The following ACSF3 variants were observed in gnomAD, a reference collection of about 807,000 sequenced individuals.
ACSF3 encodes the protein malonate--CoA ligase ACSF3, mitochondrial.
ACSF3 carries 78 observed loss-of-function variants against 53.2 expected under a neutral mutation model. The observed-to-expected ratio is 1.47, with a 90% CI of 1.22 to 1.77. The LOEUF is 1.77. Ranked by LOEUF, ACSF3 falls within the 40% of genes most tolerant of loss-of-function variation. The pLI is 0.00. For synonymous variants in ACSF3, 414 were observed against 333.1 expected (o/e 1.24, Z -2.65); for missense variants, 937 against 771.1 (o/e 1.22, Z -2.55).
chr16:89,104,812 A>T (rs571789486), intron 4 of ACSF3, among the ~76,000 whole-genome samples: 1 of 152,236 alleles, frequency 6.6e-6, no homozygotes, highest in Non-Finnish European at 1.5e-5. Context: ...TCTAGCCTCC[A>T]CTGGAGGCAA....
rs574481505 is a variant in ACSF3 at position 89,126,335 on chromosome 16, C to G, written c.1239+5422C>G. 1.1e-3 allele frequency among the ~76,000 whole-genome samples: 172 copies of G among 152,060 alleles called. 2 individuals are homozygous for G. The highest frequency in any genetic ancestry group is 3.7e-3 in the African/African-American group (155 of 41,486). ...CCAGGCTGGAGTGTAGTGGTACGATCTCAGCTCACTGCAACCTCTACTTCC... is the reference window on the plus strand; with the variant it reads ...CCAGGCTGGAGTGTAGTGGTACGATGTCAGCTCACTGCAACCTCTACTTCC... On this transcript the variant is annotated intron_variant, in intron 7 of 10. Transcript: ENST00000614302.
chr16:89,152,965 C>A (rs997742425), intron 10 of ACSF3: 3 of 152,264 alleles, frequency 2.0e-5, no homozygotes, highest in African/African-American at 7.2e-5. Context: ...CCAGTTGCCC[C>A]TGGAGAGCGA....
chr16:89,119,467 T>TG (rs1906072715), intron 6 of ACSF3, among the ~76,000 whole-genome samples: 1 of 151,764 alleles, frequency 6.6e-6, no homozygotes. Context: ...CTAGGGGAAG[T>TG]GGGGGGCTGT....
chr16:89,154,234 G>A lies in ACSF3; in HGVS notation c.*27G>A, dbSNP rs1472222080. On this transcript the variant is annotated 3_prime_UTR_variant, in exon 11 of 11. Transcript: ENST00000614302. Reference sequence around the variant, plus strand: ...CCGGCAGACTGGGACTGCGGGTCTGGTGGGGAGCAGCAGACGTCCCCTTCA... The same window carrying A: ...CCGGCAGACTGGGACTGCGGGTCTGATGGGGAGCAGCAGACGTCCCCTTCA... 1 of 1,602,984 alleles carries A rather than the reference G, an allele frequency of 6.2e-7. No homozygotes were observed. The highest frequency in any genetic ancestry group is 1.3e-5 in the African/African-American group (1 of 74,858).
chr16:89,099,789 T>G (rs1375854763), intron 2 of ACSF3, among the ~76,000 whole-genome samples: 1 of 145,556 alleles, frequency 6.9e-6, no homozygotes, highest in Non-Finnish European at 1.5e-5. Context: ...CTTAGATAGA[T>G]AGATAGATAG....
Position 89,130,599 on chromosome 16 carries a change from TC to T in ACSF3, c.1240-2535del, listed in dbSNP as rs1336185639. Reference sequence around the variant, plus strand: ...AAAAAAATACTACTAATAATATAACTCCACTTCTTTCCGGCCTCCATTGTTT... The same window carrying T: ...AAAAAAATACTACTAATAATATAACTCACTTCTTTCCGGCCTCCATTGTTT... On this transcript the variant is annotated intron_variant, in intron 7 of 10. Transcript: ENST00000614302. Among the ~76,000 whole-genome samples the T allele has an allele frequency of 5.3e-5, 8 of 152,114 alleles. No individual in the cohort carries two copies. The East Asian group carries it at 1.5e-3, about 29-fold the overall frequency.
intron 6 of ACSF3, among the ~76,000 whole-genome samples, chr16:89,118,081 GA>G (rs759320082): frequency 1.3e-3 from 187 of 149,564 alleles, no homozygotes; most frequent in Non-Finnish European, 2.3e-3. Context: ...GGGCGCCGGG[GA>G]CGCTCTCTCT....
At chr16:89,137,445 C>T (rs112479648) in intron 8 of ACSF3, among the ~76,000 whole-genome samples, 305 of 131,542 alleles carry the variant, frequency 2.3e-3, no homozygotes, top group African/African-American at 8.7e-3. Context: ...GGGGAAGAGC[C>T]CCAGGTCTCG....
chr16:89,120,374 G>A (rs543796814), intron 6 of ACSF3, among the ~76,000 whole-genome samples: 280 of 152,346 alleles, frequency 1.8e-3, no homozygotes, highest in Admixed American at 6.2e-3. Flanking sequence ...CCTCATCGTG[G>A]ACAGCCCCGG....
intron 6 of ACSF3, 80 bp from the exon 7 acceptor site, chr16:89,120,721 G>T: frequency 7.3e-7 from 1 of 1,361,346 alleles, no homozygotes; most frequent in Non-Finnish European, 1.1e-6. Flanking sequence ...AGCTCAGCGG[G>T]ATCCGAGCTC....
intron 7 of ACSF3, among the ~76,000 whole-genome samples, chr16:89,127,559 G>A (rs1348478603): frequency 1.3e-5 from 2 of 151,936 alleles, no homozygotes; most frequent in African/African-American, 2.4e-5. Flanking sequence ...AGAGTTGGGG[G>A]TCTCACTATA....
intron 4 of ACSF3, among the ~76,000 whole-genome samples, chr16:89,109,188 C>T (rs1183337979): frequency 1.5e-5 from 2 of 136,078 alleles, no homozygotes; most frequent in African/African-American, 5.6e-5. Context: ...GCCAAGATCA[C>T]ACCACTGCAC....
At chr16:89,122,252 C>T (rs573390046) in intron 7 of ACSF3, 99 of 238,134 alleles carry the variant, frequency 4.2e-4, no homozygotes, top group African/African-American at 2.2e-3. Context: ...TGTGTCCCGC[C>T]TGGCCTGGGC....
intron 4 of ACSF3, among the ~76,000 whole-genome samples, chr16:89,107,850 C>T (rs984203063): frequency 1.3e-5 from 2 of 152,116 alleles, no homozygotes; most frequent in Non-Finnish European, 2.9e-5. Flanking sequence ...TTTCATACGC[C>T]CCCAGCCCCA....
At chr16:89,097,960 G>C (rs1037311823) in intron 1 of ACSF3, among the ~76,000 whole-genome samples, 5 of 152,150 alleles carry the variant, frequency 3.3e-5, no homozygotes, top group Non-Finnish European at 7.4e-5. Context: ...CCCTCAGCTG[G>C]CTGGGACAGG....
intron 6 of ACSF3, 88 bp from the exon 7 acceptor site, chr16:89,120,713 C>T (rs771702412): frequency 4.6e-6 from 6 of 1,302,894 alleles, no homozygotes; most frequent in Non-Finnish European, 6.7e-6. Flanking sequence ...CACACGGGAG[C>T]TCAGCGGGAT....
rs1912143441 is a variant in ACSF3 at position 89,142,918 on chromosome 16, T to G, written c.1367-2349T>G. Reference sequence around the variant, plus strand: ...CTGTGAAGGGCACTCATTCCTTGTATTCATAAATTAAGCTCATGTGAGTTT... The same window carrying G: ...CTGTGAAGGGCACTCATTCCTTGTAGTCATAAATTAAGCTCATGTGAGTTT... On this transcript the variant is annotated intron_variant, in intron 8 of 10. Transcript: ENST00000614302. 3.3e-5 allele frequency among the ~76,000 whole-genome samples: 5 copies of G among 152,250 alleles called. No homozygotes were observed. The South Asian group carries it at 1.0e-3, about 32-fold the overall frequency.
At chr16:89,115,868 G>A (rs901774818) in intron 6 of ACSF3, among the ~76,000 whole-genome samples, 1 of 152,174 alleles carries the variant, frequency 6.6e-6, no homozygotes, top group Non-Finnish European at 1.5e-5. Flanking sequence ...CTTGAGTTTT[G>A]AGAGCTTTTA....
At chr16:89,142,790 G>C (rs1344981371) in intron 8 of ACSF3, among the ~76,000 whole-genome samples, 15 of 148,880 alleles carry the variant, frequency 1.0e-4, no homozygotes, top group African/African-American at 3.5e-4. Context: ...CACACCTGCA[G>C]ACACACCCAC....
Sources: allele counts gnomAD v4.1 joint callset (sites outside exome capture counted in the v4.1 genomes callset), GRCh38; gene constraint gnomAD v4.1.1; transcripts MANE v1.5; gene names NCBI Gene and HGNC (gene_info 2026-07-23, HGNC 2026-07-21).